SGCZ: variants seen among roughly 807,000 people sequenced by gnomAD.
SGCZ encodes zeta-sarcoglycan.
SGCZ carries 40 observed loss-of-function variants against 41.3 expected under a neutral mutation model. The observed-to-expected ratio is 0.97, with a 90% CI of 0.75 to 1.26. The LOEUF (loss-of-function observed/expected upper bound fraction) is 1.26, where lower values mean the gene tolerates loss of function less well. SGCZ is among the 50% of genes most tolerant of loss of function. The pLI, the probability that SGCZ is intolerant of heterozygous loss-of-function variation, is 0.00. For missense variants in SGCZ, 552 were observed against 369.8 expected, an observed-to-expected ratio of 1.49 and a Z score of -4.04; for synonymous variants, 206 against 137.5, an observed-to-expected ratio of 1.50 and a Z score of -3.49.
chr8:15,008,615 T>G (rs1585466878), intron 1 of SGCZ, among the ~76,000 whole-genome samples: 1 of 43,154 alleles, frequency 2.3e-5, no homozygotes, highest in Non-Finnish European at 4.2e-5. Context: ...GACAGACTGA[T>G]GGACGGATGG....
intron 2 of SGCZ, among the ~76,000 whole-genome samples, chr8:14,362,283 G>C (rs1476870750): frequency 6.6e-6 from 1 of 152,202 alleles, no homozygotes; most frequent in African/African-American, 2.4e-5. Flanking sequence ...TGCCCCCGGA[G>C]GTGGAATCTA....
At chr8:14,686,146 T>C (rs1410394461) in intron 1 of SGCZ, among the ~76,000 whole-genome samples, 13 of 152,134 alleles carry the variant, frequency 8.5e-5, no homozygotes, top group Admixed American at 7.9e-4. Context: ...GCAATTTATA[T>C]AGAAAATTAT....
intron 1 of SGCZ, among the ~76,000 whole-genome samples, chr8:14,577,304 G>C (rs1417712188): frequency 6.6e-6 from 1 of 150,890 alleles, no homozygotes; most frequent in Non-Finnish European, 1.5e-5. Context: ...ATTTTTATCT[G>C]ATCTGACAGA....
intron 1 of SGCZ, among the ~76,000 whole-genome samples, chr8:14,584,161 G>T (rs1328108447): frequency 1.3e-5 from 2 of 152,082 alleles, no homozygotes; most frequent in Non-Finnish European, 2.9e-5. Flanking sequence ...ATAGCAAAAG[G>T]GGGAATAACT....
At chr8:14,344,990 C>T (rs577182287) in intron 2 of SGCZ, among the ~76,000 whole-genome samples, 1 of 151,600 alleles carries the variant, frequency 6.6e-6, no homozygotes. Flanking sequence ...TACACACTGG[C>T]AAAATAAAAG....
intron 2 of SGCZ, among the ~76,000 whole-genome samples, chr8:14,401,189 C>A (rs1034561483): frequency 6.6e-6 from 1 of 152,070 alleles, no homozygotes; most frequent in African/African-American, 2.4e-5. Flanking sequence ...AATTTCTTAC[C>A]TTTCTTTGCA....
At chr8:14,376,832 A>T (rs1267759085) in intron 2 of SGCZ, among the ~76,000 whole-genome samples, 1 of 152,224 alleles carries the variant, frequency 6.6e-6, no homozygotes, top group East Asian at 1.9e-4. Context: ...ATAATACATA[A>T]ACAATTAGGA....
At chr8:14,929,571 T>C (rs1799867001) in intron 1 of SGCZ, among the ~76,000 whole-genome samples, 1 of 151,792 alleles carries the variant, frequency 6.6e-6, no homozygotes, top group African/African-American at 2.4e-5. Context: ...AATTCAAATA[T>C]AATTTTGGTA....
intron 1 of SGCZ, among the ~76,000 whole-genome samples, chr8:15,078,571 A>G (rs1805629740): frequency 6.6e-6 from 1 of 152,010 alleles, no homozygotes; most frequent in Non-Finnish European, 1.5e-5. Flanking sequence ...TTTTGAGTCC[A>G]TTGGTGAGTG....
At chr8:14,959,871 C>G (rs1800908983) in intron 1 of SGCZ, among the ~76,000 whole-genome samples, 1 of 152,150 alleles carries the variant, frequency 6.6e-6, no homozygotes, top group Admixed American at 6.5e-5. Context: ...ATACAGGGAG[C>G]AGGTAATTAG....
intron 1 of SGCZ, among the ~76,000 whole-genome samples, chr8:14,704,652 T>C (rs1327988703): frequency 6.6e-6 from 1 of 151,956 alleles, no homozygotes; most frequent in Admixed American, 6.6e-5. Flanking sequence ...GGAAAGCAAG[T>C]CTGCTACAGA....
chr8:15,028,077 C>T (rs1803521523), intron 1 of SGCZ, among the ~76,000 whole-genome samples: 1 of 152,074 alleles, frequency 6.6e-6, no homozygotes, highest in South Asian at 2.1e-4. Flanking sequence ...TCACACACTC[C>T]TCAATGCTAC....
intron 1 of SGCZ, among the ~76,000 whole-genome samples, chr8:15,134,613 C>T (rs1242770932): frequency 6.6e-6 from 1 of 152,110 alleles, no homozygotes; most frequent in Non-Finnish European, 1.5e-5. Flanking sequence ...AGCATGTACT[C>T]CTTGCATAAT....
intron 3 of SGCZ, among the ~76,000 whole-genome samples, chr8:14,321,597 A>G (rs569292445): frequency 2.0e-4 from 31 of 152,240 alleles, no homozygotes; most frequent in African/African-American, 6.3e-4. Context: ...GGCTAAATTT[A>G]AAGAGAGCAA....
chr8:14,252,950 A>G (rs1053493896), intron 3 of SGCZ, among the ~76,000 whole-genome samples: 4 of 152,186 alleles, frequency 2.6e-5, no homozygotes, highest in African/African-American at 9.7e-5. Context: ...AACTTAAGGC[A>G]TAGCTAGGTT....
chr8:14,638,683 GT>G (rs1047702591), intron 1 of SGCZ, among the ~76,000 whole-genome samples: 3 of 151,722 alleles, frequency 2.0e-5, no homozygotes, highest in Non-Finnish European at 4.4e-5. Context: ...CTGCTCAGTT[GT>G]TTTCTCCCCT....
At chr8:14,575,913 C>CAAAAA (rs66656586) in intron 1 of SGCZ, among the ~76,000 whole-genome samples, 734 of 99,948 alleles carry the variant, frequency 7.3e-3, no homozygotes, top group East Asian at 8.2e-3. Context: ...CTCAAAATAA[C>CAAAAA]AAAAAAAAAA....
chr8:14,346,068 G>A (rs560850590), intron 2 of SGCZ, among the ~76,000 whole-genome samples: 2 of 152,138 alleles, frequency 1.3e-5, no homozygotes, highest in African/African-American at 4.8e-5. Context: ...AAATTCTAAT[G>A]TGAATTATGA....
chr8:14,456,900 ACTCT>A (rs759040889), intron 2 of SGCZ, among the ~76,000 whole-genome samples: 5 of 151,644 alleles, frequency 3.3e-5, no homozygotes, highest in Non-Finnish European at 7.4e-5. Context: ...CTCCAACCAC[ACTCT>A]CTCTCTCTTG....
Sources: allele counts gnomAD v4.1 joint callset (sites outside exome capture counted in the v4.1 genomes callset), GRCh38; gene constraint gnomAD v4.1.1; transcripts MANE v1.5; gene names NCBI Gene and HGNC (gene_info 2026-07-23, HGNC 2026-07-21).